The following CRYBG1 variants were observed in gnomAD, a reference collection of about 807,000 sequenced individuals.
The protein encoded by CRYBG1 is beta/gamma crystallin domain-containing protein 1.
In CRYBG1, 139 loss-of-function variants were observed where a neutral mutation model predicts 189.2. The ratio of observed to expected loss-of-function variants is 0.73; its 90% CI spans 0.64 to 0.85. The LOEUF (loss-of-function observed/expected upper bound fraction) is 0.85, where lower values mean the gene tolerates loss of function less well. Among genes scored for constraint, CRYBG1 ranks in the 40% least tolerant of loss-of-function variants. CRYBG1 has a pLI of 0.00. For synonymous variants in CRYBG1, 1,023 were observed against 1,017.1 expected (o/e 1.01, Z -0.11); for missense variants, 2,611 against 2,675.8 (o/e 0.98, Z 0.53).
chr6:106,362,712 A>G (rs1426220056), intron 1 of CRYBG1, among the ~76,000 whole-genome samples: 1 of 152,208 alleles, frequency 6.6e-6, no homozygotes, highest in Non-Finnish European at 1.5e-5. Flanking sequence ...CAGTTGTAGT[A>G]GAAATATATT....
chr6:106,482,202 G>T (rs930829997), intron 2 of CRYBG1, among the ~76,000 whole-genome samples: 1 of 152,224 alleles, frequency 6.6e-6, no homozygotes. Context: ...ATAGCAACTT[G>T]CTTCTTGAAG....
At chr6:106,545,363 A>G (rs949894244) in intron 13 of CRYBG1, among the ~76,000 whole-genome samples, 3 of 152,210 alleles carry the variant, frequency 2.0e-5, no homozygotes, top group Non-Finnish European at 4.4e-5. Flanking sequence ...TAATTGTTCT[A>G]TGTACGTGGA....
intron 2 of CRYBG1, 33 bp downstream of exon 2, chr6:106,451,865 G>T: frequency 6.6e-7 from 1 of 1,523,374 alleles, no homozygotes; most frequent in Non-Finnish European, 8.8e-7. Flanking sequence ...TGACTCCCAA[G>T]AATAAACCCT....
At chr6:106,479,660 T>G (rs1772403536) in intron 2 of CRYBG1, among the ~76,000 whole-genome samples, 1 of 152,222 alleles carries the variant, frequency 6.6e-6, no homozygotes, top group African/African-American at 2.4e-5. Context: ...TGATTTGCAT[T>G]TCTGTAATGA....
chr6:106,409,822 T>A (rs991734708), intron 1 of CRYBG1, among the ~76,000 whole-genome samples: 3 of 152,228 alleles, frequency 2.0e-5, no homozygotes, highest in Non-Finnish European at 4.4e-5. Flanking sequence ...GCTAGCCATA[T>A]GCAGAAAACT....
intron 2 of CRYBG1, among the ~76,000 whole-genome samples, chr6:106,478,504 A>G (rs1253241935): frequency 6.6e-6 from 1 of 152,252 alleles, no homozygotes; most frequent in Non-Finnish European, 1.5e-5. Flanking sequence ...ATTTGGCAGC[A>G]CACAAATCAA....
At chr6:106,522,282 A>C (rs548535292) in intron 4 of CRYBG1, among the ~76,000 whole-genome samples, 1 of 152,318 alleles carries the variant, frequency 6.6e-6, no homozygotes, top group South Asian at 2.1e-4. Flanking sequence ...AAGTAGCAAT[A>C]GGTGTTTATC....
In CRYBG1 at chr6:106,511,894, G is replaced by A. The variant is rs1179479343; in HGVS notation, c.777G>A (p.Pro259=). 5 of 1,521,526 alleles carry A rather than the reference G, an allele frequency of 3.3e-6. No individual in the cohort carries two copies. The highest frequency in any genetic ancestry group is 1.4e-5 in the African/African-American group (1 of 72,728). The allele number at this position is 1,521,526 out of a possible 1,614,324, so 94.3% of individuals were successfully genotyped here. ...TTTAKQLHSS[P]GNSSRQENAE... Reference sequence around the variant, plus strand: ...CTGCCAAGCAGCTGCATTCCTCGCCGGGAAATTCCTCCAGGCAAGAGAACG... The same window carrying A: ...CTGCCAAGCAGCTGCATTCCTCGCCAGGAAATTCCTCCAGGCAAGAGAACG... Residue 259 remains proline, a synonymous_variant, in exon 3 of 22, where the codon CCG becomes CCA. Transcript: ENST00000633556.
At chr6:106,410,776 C>T (rs1251172243) in intron 1 of CRYBG1, among the ~76,000 whole-genome samples, 1 of 152,074 alleles carries the variant, frequency 6.6e-6, no homozygotes, top group Non-Finnish European at 1.5e-5. Context: ...AAACCAAACA[C>T]GCATATTCTC....
chr6:106,367,276 T>G (rs569353477), intron 1 of CRYBG1, among the ~76,000 whole-genome samples: 1 of 152,314 alleles, frequency 6.6e-6, no homozygotes, highest in African/African-American at 2.4e-5. Context: ...ACTTCTTTTT[T>G]CTTCTTTAGC....
At chr6:106,476,998 A>G (rs1409838520) in intron 2 of CRYBG1, among the ~76,000 whole-genome samples, 7 of 152,338 alleles carry the variant, frequency 4.6e-5, no homozygotes, top group Admixed American at 2.6e-4. Context: ...TAAAGTACTT[A>G]AAATACCACC....
At chr6:106,493,083 A>C (rs1300954692) in intron 2 of CRYBG1, among the ~76,000 whole-genome samples, 2 of 152,050 alleles carry the variant, frequency 1.3e-5, no homozygotes, top group East Asian at 3.9e-4. Context: ...AAAATGAATC[A>C]TTTCTTGCCA....
chr6:106,507,561 TATC>T (rs1167942878), intron 2 of CRYBG1, among the ~76,000 whole-genome samples: 2 of 152,158 alleles, frequency 1.3e-5, no homozygotes, highest in African/African-American at 2.4e-5. Flanking sequence ...CCTAGCAAAT[TATC>T]ATCAAGCCTG....
chr6:106,450,537 C>A (rs1771762791), intron 1 of CRYBG1, among the ~76,000 whole-genome samples: 1 of 152,216 alleles, frequency 6.6e-6, no homozygotes, highest in Non-Finnish European at 1.5e-5. Flanking sequence ...TGATGCTCAA[C>A]TGCAGACAGC....
At chr6:106,496,763 T>C (rs1300187291) in intron 2 of CRYBG1, among the ~76,000 whole-genome samples, 1 of 152,218 alleles carries the variant, frequency 6.6e-6, no homozygotes, top group African/African-American at 2.4e-5. Flanking sequence ...CTTGAGTTTC[T>C]CTGTGATACA....
chr6:106,523,519 A>G (rs1582816928), intron 4 of CRYBG1, among the ~76,000 whole-genome samples: 2 of 152,116 alleles, frequency 1.3e-5, no homozygotes, highest in East Asian at 1.9e-4. Flanking sequence ...AAATCTTTAT[A>G]CTTTTTCTAG....
At chr6:106,546,570 G>C (rs887992143) in intron 13 of CRYBG1, among the ~76,000 whole-genome samples, 9 of 152,170 alleles carry the variant, frequency 5.9e-5, no homozygotes, top group African/African-American at 1.7e-4. Context: ...ACAAGTTCTT[G>C]TCTAGGCCGT....
intron 2 of CRYBG1, among the ~76,000 whole-genome samples, chr6:106,473,809 T>G (rs1013293178): frequency 3.9e-5 from 6 of 152,244 alleles, no homozygotes; most frequent in Non-Finnish European, 8.8e-5. Flanking sequence ...GCACATGACA[T>G]AATTTTCTGG....
At chr6:106,456,836 C>T (rs1013110397) in intron 2 of CRYBG1, among the ~76,000 whole-genome samples, 1 of 152,184 alleles carries the variant, frequency 6.6e-6, no homozygotes, top group Non-Finnish European at 1.5e-5. Flanking sequence ...GGGCCTCAGA[C>T]TCATTGACCT....
Sources: allele counts gnomAD v4.1 joint callset (sites outside exome capture counted in the v4.1 genomes callset), GRCh38; gene constraint gnomAD v4.1.1; transcripts MANE v1.5; gene names NCBI Gene and HGNC (gene_info 2026-07-23, HGNC 2026-07-21).